Variants in SLC4A4 observed in about 807,000 individuals in gnomAD.
The protein encoded by SLC4A4 is electrogenic sodium bicarbonate cotransporter 1.
A neutral mutation model predicts 111.5 loss-of-function variants in SLC4A4; 27 were observed. The observed-to-expected ratio is 0.24, with a 90% CI of 0.18 to 0.33. The LOEUF (loss-of-function observed/expected upper bound fraction) is 0.33, where lower values mean the gene tolerates loss of function less well. SLC4A4 is among the 10% of genes least tolerant of loss of function. The pLI is 1.00. For missense variants in SLC4A4, 909 were observed against 1,315.5 expected (o/e 0.69, Z 4.78); for synonymous variants, 443 against 463.4 (o/e 0.96, Z 0.57).
At chr4:71,156,384 T>C (rs1744464427) in intron 2 of SLC4A4, among the ~76,000 whole-genome samples, 1 of 152,160 alleles carries the variant, frequency 6.6e-6, no homozygotes, top group South Asian at 2.1e-4. Flanking sequence ...GTGCACACCT[T>C]AGGTACACAT....
intron 1 of SLC4A4, among the ~76,000 whole-genome samples, chr4:71,191,971 A>AATCAATATG (rs1373846428): frequency 6.6e-6 from 1 of 152,206 alleles, no homozygotes; most frequent in Non-Finnish European, 1.5e-5. Context: ...GGATTAAAAA[A>AATCAATATG]ATCAATATGA....
chr4:71,276,766 G>A (rs1723100239), intron 3 of SLC4A4, among the ~76,000 whole-genome samples: 2 of 152,102 alleles, frequency 1.3e-5, no homozygotes, highest in African/African-American at 4.8e-5. Context: ...TAAAGCTGCT[G>A]GCCAGGTGTG....
intron 3 of SLC4A4, among the ~76,000 whole-genome samples, chr4:71,319,224 T>C (rs1024790304): frequency 2.0e-5 from 3 of 152,026 alleles, no homozygotes; most frequent in African/African-American, 7.2e-5. Context: ...TTTTTATCTG[T>C]GAACCATCGT....
intron 2 of SLC4A4, among the ~76,000 whole-genome samples, chr4:71,174,152 G>A (rs1191054885): frequency 1.3e-5 from 2 of 151,842 alleles, no homozygotes; most frequent in East Asian, 3.9e-4. Context: ...TGAAAAGATG[G>A]AACCAATTTC....
intron 3 of SLC4A4, among the ~76,000 whole-genome samples, chr4:71,335,422 C>T (rs972914955): frequency 6.6e-6 from 1 of 152,052 alleles, no homozygotes; most frequent in Non-Finnish European, 1.5e-5. Context: ...ATTTTCATGC[C>T]CTCCTGATTG....
At chr4:71,200,606 G>GT (rs1406061150) in intron 1 of SLC4A4, among the ~76,000 whole-genome samples, 4 of 152,162 alleles carry the variant, frequency 2.6e-5, no homozygotes, top group Non-Finnish European at 4.4e-5. Context: ...GCAAAAGGAT[G>GT]TATAAATGTA....
intron 3 of SLC4A4, among the ~76,000 whole-genome samples, chr4:71,279,909 C>T (rs887597249): frequency 1.3e-5 from 2 of 152,174 alleles, no homozygotes; most frequent in Non-Finnish European, 2.9e-5. Flanking sequence ...GATTCTCCTG[C>T]CTCAGCCTCC....
At chr4:71,293,362 G>A (rs555484333) in intron 3 of SLC4A4, among the ~76,000 whole-genome samples, 5 of 151,242 alleles carry the variant, frequency 3.3e-5, no homozygotes, top group Non-Finnish European at 7.4e-5. Context: ...TCAGGAGTTC[G>A]AGACCAGCCT....
At chr4:71,290,796 G>C (rs1447331532) in intron 3 of SLC4A4, among the ~76,000 whole-genome samples, 1 of 152,140 alleles carries the variant, frequency 6.6e-6, no homozygotes, top group Non-Finnish European at 1.5e-5. Flanking sequence ...GGCCTATTTA[G>C]ATTCACAAGA....
At chr4:71,178,212 C>T (rs1745157163) in intron 2 of SLC4A4, among the ~76,000 whole-genome samples, 1 of 151,534 alleles carries the variant, frequency 6.6e-6, no homozygotes. Flanking sequence ...CACTAAATGC[C>T]CACTAGAGAA....
intron 15 of SLC4A4, among the ~76,000 whole-genome samples, chr4:71,492,413 C>T (rs1025900481): frequency 6.6e-6 from 1 of 151,900 alleles, no homozygotes; most frequent in African/African-American, 2.4e-5. Flanking sequence ...GGGTAATTCT[C>T]TTGAAAAAGA....
intron 2 of SLC4A4, among the ~76,000 whole-genome samples, chr4:71,150,026 C>T (rs972684788): frequency 3.0e-4 from 45 of 152,078 alleles, no homozygotes; most frequent in African/African-American, 9.6e-4. Context: ...TTTTTATATA[C>T]ATGTGAATAT....
intron 12 of SLC4A4, among the ~76,000 whole-genome samples, chr4:71,456,150 G>T (rs1320047446): frequency 6.6e-6 from 1 of 152,144 alleles, no homozygotes; most frequent in Admixed American, 6.5e-5. Context: ...TTTATTAATA[G>T]ATTTTTTAAC....
At chr4:71,131,428 ACCCATTGTCTGTG>A (rs906552955) in intron 2 of SLC4A4, among the ~76,000 whole-genome samples, 1 of 152,102 alleles carries the variant, frequency 6.6e-6, no homozygotes, top group Non-Finnish European at 1.5e-5. Flanking sequence ...ATGATTAAAG[ACCCATTGTCTGTG>A]CTGTAGCTGG....
intron 2 of SLC4A4, among the ~76,000 whole-genome samples, chr4:71,108,479 T>G (rs1361072351): frequency 6.6e-6 from 1 of 152,230 alleles, no homozygotes; most frequent in Non-Finnish European, 1.5e-5. Context: ...GCTTCTGGCC[T>G]CCAAAGTTTC....
At chr4:71,300,273 C>A in intron 3 of SLC4A4, 1 of 210,388 alleles carries the variant, frequency 4.8e-6, no homozygotes, top group Non-Finnish European at 1.0e-5. Flanking sequence ...TCTGCCATAG[C>A]ACGGGCACAC....
chr4:71,236,644 T>A lies in SLC4A4; in HGVS notation c.68T>A (p.Val23Glu). 1 of 1,613,424 alleles carries A rather than the reference T, an allele frequency of 6.2e-7. No individual in the cohort carries two copies. The highest frequency in any genetic ancestry group is 8.5e-7 in the Non-Finnish European group (1 of 1,179,396). The stretch of plus-strand genomic sequence containing the variant: ...AAGCATGTGTGTGATGAAGAAGAAG[T>A]AGAAGGTGAGCTTTATGGGTCTGGG... The part of the protein sequence containing the change: ...FLKHVCDEEE[V>E]EGHHTIYIGV... Residue 23 changes from valine (V) to glutamate (E), a missense_variant, in exon 2 of 26, where the codon GTA (valine) becomes GAA (glutamate). Transcript: ENST00000264485.
intron 1 of SLC4A4, among the ~76,000 whole-genome samples, chr4:71,225,920 A>G (rs1719019981): frequency 1.3e-5 from 2 of 152,214 alleles, no homozygotes; most frequent in African/African-American, 2.4e-5. Context: ...ACTACAAATA[A>G]TTTATCACTG....
chr4:71,397,575 A>G lies in SLC4A4; in HGVS notation c.731-2A>G. ...AATTAGAGTTTACTTGTGTTTTTCC[A>G]GGTAGCCCAGCCATGACCCATAGGA... On this transcript the variant is annotated splice_acceptor_variant, in intron 6 of 25. Coordinates refer to ENST00000264485, the MANE Select transcript of SLC4A4 (RefSeq NM_001098484.3). LOFTEE classifies it high-confidence loss of function. The G allele has an allele frequency of 6.2e-7, 1 of 1,613,582 alleles. No homozygotes were observed. Among genetic ancestry groups the G allele is most frequent in the Non-Finnish European group, 8.5e-7 (1 of 1,179,550 alleles).
Sources: allele counts gnomAD v4.1 joint callset (sites outside exome capture counted in the v4.1 genomes callset), GRCh38; gene constraint gnomAD v4.1.1; transcripts MANE v1.5; gene names NCBI Gene and HGNC (gene_info 2026-07-23, HGNC 2026-07-21).